SAMD9L: variants seen among roughly 807,000 people sequenced by gnomAD.
SAMD9L encodes sterile alpha motif domain containing 9 like, also known as sterile alpha motif domain-containing protein 9-like.
A neutral mutation model predicts 90.7 loss-of-function variants in SAMD9L; 68 were observed. That is an observed-to-expected ratio of 0.75 (90% CI 0.62 to 0.92). The LOEUF is 0.92. Among genes scored for constraint, SAMD9L ranks in the 40% least tolerant of loss-of-function variants. The pLI is 0.00. For synonymous variants in SAMD9L, 640 were observed against 630.1 expected, an observed-to-expected ratio of 1.02 and a Z score of -0.23; for missense variants, 1,604 against 1,824.3, an observed-to-expected ratio of 0.88 and a Z score of 2.20.
Position 93,133,886 on chromosome 7 carries a change from A to G in SAMD9L, c.2086T>C (p.Trp696Arg), listed in dbSNP as rs1424017060. ...TTTTCAGAAGAAAAATAGAAGTTCC[A>G]CCAGGATACTTTGCCACCTCGATAA... ...HFYRGGKVSWWNFYFSSENYS... is the reference protein window; with the variant it reads ...HFYRGGKVSWRNFYFSSENYS... Residue 696 changes from tryptophan (W) to arginine (R), a missense_variant, in exon 5 of 5, where the codon TGG becomes CGG. Trp to Arg is a moderately radical substitution (Grantham distance 101). Around this residue, in one of 7 missense-constraint regions of SAMD9L, gnomAD observed 606 missense variants for 717.6 expected, o/e 0.84. Transcript: ENST00000318238. 5.0e-6 allele frequency: 8 copies of G among 1,613,684 alleles called. No individual in the cohort carries two copies. Among genetic ancestry groups the G allele is most frequent in the Non-Finnish European group, 6.8e-6 (8 of 1,179,872 alleles).
At position 93,131,104 on chromosome 7, in the gene SAMD9L, A is replaced by G. The variant is rs1792066292; in HGVS notation, c.*113T>C. ...ATTCATTCAGGGAGGCAAAAGCAAA[A>G]TCTGTAATTAGAGGTTAGCCATAAT... On this transcript the variant is annotated 3_prime_UTR_variant, in exon 5 of 5. Coordinates refer to ENST00000318238, the MANE Select transcript of SAMD9L (RefSeq NM_152703.5). 3 of 663,826 alleles carry G rather than the reference A, an allele frequency of 4.5e-6. No individual in the cohort carries two copies. In the African/African-American group the frequency reaches 5.6e-5, roughly 12 times the overall value. The allele number at this position is 663,826 out of a possible 1,614,324, so 41.1% of individuals were successfully genotyped here.
rs200410627 is a variant in SAMD9L at position 93,135,585 on chromosome 7, G to T, written c.387C>A (p.Ile129=). 2.5e-5 allele frequency: 40 copies of T among 1,613,762 alleles called. No individual in the cohort carries two copies. Among genetic ancestry groups the T allele is most frequent in the Non-Finnish European group, 3.4e-5 (40 of 1,179,822 alleles). Residue 129 remains isoleucine, a synonymous_variant, in exon 5 of 5, where the codon ATC becomes ATA. Coordinates refer to ENST00000318238, the MANE Select transcript of SAMD9L (RefSeq NM_152703.5). ...IDYDPREIRD[I]KQEESILMKE... ...TCATAAGAATTGATTCTTCTTGTTTGATATCTCTGATCTCTCTGGGATCAT... is the reference window on the plus strand; with the variant it reads ...TCATAAGAATTGATTCTTCTTGTTTTATATCTCTGATCTCTCTGGGATCAT...
At position 93,133,794 on chromosome 7, in the gene SAMD9L, T is replaced by C. The variant is rs1269419908; in HGVS notation, c.2178A>G (p.Ala726=). ...EKLKDLIHCW[A]ESPKPIFAKI... ...TTGCAAATATTGGTTTAGGAGACTCTGCCCAGCAGTGTATTAAATCTTTAA... is the reference window on the plus strand; with the variant it reads ...TTGCAAATATTGGTTTAGGAGACTCCGCCCAGCAGTGTATTAAATCTTTAA... The change falls in exon 5 of 5, where the codon GCA becomes GCG. Residue 726 remains alanine, a synonymous_variant. Coordinates refer to ENST00000318238, the MANE Select transcript of SAMD9L (RefSeq NM_152703.5). 4 of 1,613,842 alleles carry C rather than the reference T, an allele frequency of 2.5e-6. No individual in the cohort carries two copies. Among genetic ancestry groups the C allele is most frequent in the Non-Finnish European group, 3.4e-6 (4 of 1,179,882 alleles).
chr7:93,141,988 T>C (rs1792708620), intron 4 of SAMD9L, among the ~76,000 whole-genome samples: 1 of 152,192 alleles, frequency 6.6e-6, no homozygotes. Context: ...CCAGTTGTCT[T>C]ACTGTTCCTC....
intron 4 of SAMD9L, among the ~76,000 whole-genome samples, chr7:93,139,532 T>C (rs1195185020): frequency 3.9e-5 from 6 of 152,146 alleles, no homozygotes; most frequent in Admixed American, 3.9e-4. Flanking sequence ...GTTAGTGTGA[T>C]GTTTCTACAA....
chr7:93,147,950 C>T (rs1448843233), intron 1 of SAMD9L, among the ~76,000 whole-genome samples: 3 of 152,144 alleles, frequency 2.0e-5, no homozygotes, highest in Admixed American at 6.5e-5. Context: ...ATCAGAAACC[C>T]TCCCACTATC....
In SAMD9L at chr7:93,133,779, T is replaced by A; in HGVS notation, c.2193A>T (p.Pro731=). The change falls in exon 5 of 5, where the codon CCA becomes CCT. Residue 731 remains proline (P), a synonymous_variant. Transcript: ENST00000318238. Reference sequence around the variant, plus strand: ...AAAGATTGATGATTTTTGCAAATATTGGTTTAGGAGACTCTGCCCAGCAGT... The same window carrying A: ...AAAGATTGATGATTTTTGCAAATATAGGTTTAGGAGACTCTGCCCAGCAGT... ...LIHCWAESPK[P]IFAKIINLYH... 1.2e-6 allele frequency: 2 copies of A among 1,613,916 alleles called. No individual in the cohort carries two copies. Among genetic ancestry groups the A allele is most frequent in the South Asian group, 2.2e-5 (2 of 91,080 alleles).
In SAMD9L at chr7:93,135,745, T is replaced by C. The variant is rs1792419152; in HGVS notation, c.227A>G (p.Asn76Ser). ...ATTGTCACTTTCAGGGGACTTACTA[T>C]TCAATTTGTTGTATGAACGTTTTAT... ...LLIKRSYNKL[N>S]SKSPESDNHD... Residue 76 changes from asparagine (N) to serine (S), a missense_variant, in exon 5 of 5, where the codon AAT becomes AGT. Around this residue, in one of 7 missense-constraint regions of SAMD9L, gnomAD observed 374 missense variants for 363.6 expected, o/e 1.03. Coordinates refer to ENST00000318238, the MANE Select transcript of SAMD9L (RefSeq NM_152703.5). 1.2e-6 allele frequency: 2 copies of C among 1,614,038 alleles called. No homozygotes were observed. The highest frequency in any genetic ancestry group is 1.3e-5 in the African/African-American group (1 of 75,002).
chr7:93,133,567 A>G lies in SAMD9L; in HGVS notation c.2405T>C (p.Val802Ala), dbSNP rs773338062. The change falls in exon 5 of 5, where the codon GTG becomes GCG. Residue 802 changes from valine to alanine, a missense_variant. This residue lies in a region of SAMD9L where 606 missense variants were observed against 717.6 expected (regional missense o/e 0.84). Coordinates refer to ENST00000318238, the MANE Select transcript of SAMD9L (RefSeq NM_152703.5). ...HQDYIPVLLL[V>A]DDFEEQENVY... ...ATTTTCTTGTTCTTCAAAATCATCC[A>G]CAAGGAGAAGCACAGGAATGTAATC... 2.5e-6 allele frequency: 4 copies of G among 1,613,858 alleles called. No homozygotes were observed. The highest frequency in any genetic ancestry group is 3.4e-6 in the Non-Finnish European group (4 of 1,179,864).
Position 93,131,230 on chromosome 7 carries a change from A to C in SAMD9L, c.4742T>G (p.Ile1581Arg). 6.5e-7 allele frequency: 1 copy of C among 1,541,906 alleles called. No individual in the cohort carries two copies. The change falls in exon 5 of 5, where the codon ATA becomes AGA. Residue 1581 changes from isoleucine to arginine, a missense_variant. Physicochemically the swap from Ile to Arg is moderately conservative, Grantham distance 97. This residue lies in a region of SAMD9L where 282 missense variants were observed against 329.6 expected (regional missense o/e 0.86). Transcript: ENST00000318238. ...FSIEGPLAYD[I>R]EVI Reference sequence around the variant, plus strand: ...TGATGTATTGTCTTAAATTACTTCTATATCATATGCCAGAGGGCCTTCAAT... The same window carrying C: ...TGATGTATTGTCTTAAATTACTTCTCTATCATATGCCAGAGGGCCTTCAAT...
rs1792911122 is a variant in SAMD9L, at chr7:93,146,874, A to G, written c.-779+9T>C. The G allele has an allele frequency of 1.3e-5, 2 of 152,212 alleles. No individual in the cohort carries two copies. The highest frequency in any genetic ancestry group is 1.3e-4 in the Admixed American group (2 of 15,276). The allele number at this position is 152,212 out of a possible 1,614,324, so 9.4% of individuals were successfully genotyped here. On this transcript the variant is annotated intron_variant, in intron 2 of 4. Transcript: ENST00000318238. Reference sequence around the variant, plus strand: ...TTTGTAGATACCCTAGTTACAGACTACACCTTACCAACTTTCTGCTGTGTC... The same window carrying G: ...TTTGTAGATACCCTAGTTACAGACTGCACCTTACCAACTTTCTGCTGTGTC...
At chr7:93,136,084 C>CAT (rs969275563) in intron 4 of SAMD9L, 93 bp from the exon 5 acceptor site, 81 of 805,540 alleles carry the variant, frequency 1.0e-4, no homozygotes, top group Middle Eastern at 3.8e-4. Context: ...ACAGAAGATA[C>CAT]ATATATATAT....
At chr7:93,136,509 T>A (rs759701600) in intron 4 of SAMD9L, among the ~76,000 whole-genome samples, 16 of 152,068 alleles carry the variant, frequency 1.1e-4, no homozygotes, top group Non-Finnish European at 2.1e-4. Flanking sequence ...AAGGCTAGGG[T>A]TTGGGGGAAT....
rs1792360561 is a variant in SAMD9L, at chr7:93,135,030, A to G, written c.942T>C (p.Ser314=). ...TGTAGAAATACTTATCATTACATAT[A>G]GAGTGTTTTGGAATAGTATCAACTT... is the stretch of plus-strand genomic sequence containing the variant. ...VIEVDTIPKH[S]ICNDKYFYIQ... The change falls in exon 5 of 5, where the codon TCT becomes TCC. Residue 314 remains serine, a synonymous_variant. Coordinates refer to ENST00000318238, the MANE Select transcript of SAMD9L (RefSeq NM_152703.5). 1 of 1,612,302 alleles carries G rather than the reference A, an allele frequency of 6.2e-7. No homozygotes were observed. Among genetic ancestry groups the G allele is most frequent in the East Asian group, 2.2e-5 (1 of 44,874 alleles).
Position 93,131,586 on chromosome 7 carries a change from C to T in SAMD9L, c.4386G>A (p.Gln1462=). The change falls in exon 5 of 5, where the codon CAG becomes CAA. Residue 1462 remains glutamine, a synonymous_variant. Coordinates refer to ENST00000318238, the MANE Select transcript of SAMD9L (RefSeq NM_152703.5). The part of the protein sequence containing the change: ...VSSLNRSFRG[Q]YKRMCRSKQA... ...GCTTGGACCTGCACATGCGCTTGTA[C>T]TGTCCCCTGAAGGATCTATTTAAGG... The T allele has an allele frequency of 1.2e-6, 2 of 1,613,970 alleles. No homozygotes were observed. The highest frequency in any genetic ancestry group is 1.7e-6 in the Non-Finnish European group (2 of 1,179,890).
chr7:93,130,702 T>C lies in SAMD9L; in HGVS notation c.*515A>G, dbSNP rs933056951. 7.9e-5 allele frequency: 11 copies of C among 139,060 alleles called. No individual in the cohort carries two copies. The highest frequency in any genetic ancestry group is 1.4e-4 in the Non-Finnish European group (9 of 66,140). The allele number at this position is 139,060 out of a possible 1,614,324, so 8.6% of individuals were successfully genotyped here. A position where few individuals can be genotyped will look rare whatever the true frequency, so the allele number is the denominator to read the frequency against. On this transcript the variant is annotated 3_prime_UTR_variant, in exon 5 of 5. Transcript: ENST00000318238. Reference sequence around the variant, plus strand: ...GTGTGTGTGTGTGTGTGTGTGTGTGTGTTGGGGAGAGTGTTATGTGGTGGA... The same window carrying C: ...GTGTGTGTGTGTGTGTGTGTGTGTGCGTTGGGGAGAGTGTTATGTGGTGGA...
Position 93,135,379 on chromosome 7 carries a change from T to C in SAMD9L, c.593A>G (p.Glu198Gly). Residue 198 changes from glutamate to glycine, a missense_variant, in exon 5 of 5, where the codon GAG becomes GGG. By Grantham distance (98) the Glu-to-Gly change is moderately conservative. Transcript: ENST00000318238. Reference sequence around the variant, plus strand: ...TTCTGTGTTTGTGAGAGCTTTGAACTCATGTATTGGATCAATGAGATTGAG... The same window carrying C: ...TTCTGTGTTTGTGAGAGCTTTGAACCCATGTATTGGATCAATGAGATTGAG... Reference protein sequence around the residue: ...GALNLIDPIHEFKALTNTETA... With the variant: ...GALNLIDPIHGFKALTNTETA... The C allele has an allele frequency of 1.9e-6, 3 of 1,614,116 alleles. No individual in the cohort carries two copies. The highest frequency in any genetic ancestry group is 2.5e-6 in the Non-Finnish European group (3 of 1,179,962).
At chr7:93,136,819 A>G (rs1164101983) in intron 4 of SAMD9L, among the ~76,000 whole-genome samples, 1 of 152,198 alleles carries the variant, frequency 6.6e-6, no homozygotes, top group Non-Finnish European at 1.5e-5. Flanking sequence ...CTGAGACTGC[A>G]TTAGTTGGTT....
chr7:93,134,667 T>TA lies in SAMD9L; in HGVS notation c.1304dup (p.Leu435PhefsTer5). ...ACACAGCAAACCATTTAATTTCTTTTAAAAAATCTAAGTGCTTTATTTGGT... is the reference window on the plus strand; with the variant it reads ...ACACAGCAAACCATTTAATTTCTTTTAAAAAAATCTAAGTGCTTTATTTGGT... On this transcript the variant is annotated frameshift_variant, in exon 5 of 5. Transcript: ENST00000318238. LOFTEE classifies it low-confidence loss of function (END_TRUNC). 3.1e-6 allele frequency: 5 copies of TA among 1,613,906 alleles called. No individual in the cohort carries two copies. Among genetic ancestry groups the TA allele is most frequent in the Admixed American group, 1.7e-5 (1 of 59,986 alleles).
Sources: gnomAD v4.1 joint callset for allele counts (sites outside exome capture counted in the v4.1 genomes callset) on GRCh38, gnomAD v4.1.1 for gene constraint, gnomAD v4.1.1 regional missense constraint, MANE v1.5 for transcripts, NCBI Gene and HGNC (gene_info 2026-07-23, HGNC 2026-07-21) for gene names.